Variants in BABAM1 observed in about 807,000 individuals in gnomAD.
The protein encoded by BABAM1 is BRISC and BRCA1 A complex member 1, also known as BRISC and BRCA1-A complex member 1.
BABAM1 carries 14 observed loss-of-function variants against 34.4 expected under a neutral mutation model. That is an observed-to-expected ratio of 0.41 (90% CI 0.27 to 0.64). The LOEUF is 0.64. Ranked by LOEUF, BABAM1 falls within the 30% of genes least tolerant of loss-of-function variation. BABAM1 has a pLI of 0.34. For synonymous variants in BABAM1, 169 were observed against 165.8 expected (o/e 1.02, Z -0.15); for missense variants, 393 against 434.0 (o/e 0.91, Z 0.84).
chr19:17,274,517 G>A (rs989653708), intron 5 of BABAM1: 1 of 316,364 alleles, frequency 3.2e-6, no homozygotes, highest in Non-Finnish European at 6.0e-6. Context: ...GCAGTGAGCT[G>A]AGATCTTGCC....
intron 8 of BABAM1, among the ~76,000 whole-genome samples, chr19:17,278,469 C>T (rs546155655): frequency 7.9e-4 from 120 of 152,072 alleles, no homozygotes; most frequent in Admixed American, 1.4e-3. Context: ...CCACCACGCC[C>T]GGCTAATTTT....
intron 5 of BABAM1, 63 bp from the exon 6 acceptor site, chr19:17,275,738 G>C: frequency 6.2e-7 from 1 of 1,609,724 alleles, no homozygotes; most frequent in Non-Finnish European, 8.5e-7. Flanking sequence ...ATCGGGATCG[G>C]GGAAGCCACC....
intron 5 of BABAM1, 66 bp from the exon 6 acceptor site, chr19:17,275,735 T>TCGGGGAAGCCACCTGTTTC: frequency 6.2e-7 from 1 of 1,606,442 alleles, no homozygotes; most frequent in Non-Finnish European, 8.5e-7. Context: ...GGTATCGGGA[T>TCGGGGAAGCCACCTGTTTC]CGGGGAAGCC....
At chr19:17,273,555 G>GTT (rs1555716572) in intron 3 of BABAM1, among the ~76,000 whole-genome samples, 3 of 13,226 alleles carry the variant, frequency 2.3e-4, no homozygotes, top group South Asian at 2.0e-3. Context: ...GTTTTTTTTT[G>GTT]TTTGTTTTGT....
At chr19:17,272,727 G>A (rs1019224135) in intron 3 of BABAM1, among the ~76,000 whole-genome samples, 1 of 151,318 alleles carries the variant, frequency 6.6e-6, no homozygotes. Flanking sequence ...TTTAAAAAAA[G>A]GAAAAAAGAA....
At position 17,269,034 on chromosome 19, in the gene BABAM1, C is replaced by T; in HGVS notation, c.228C>T (p.Pro76=). ...CCGGCCCTAAGTCCTGGCAGGTGCC[C>T]CCGCCAGCCCCTGAGGTCCAAATTC... ...SGAGPKSWQV[P]PPAPEVQIRT... is the part of the protein sequence containing the mutation. Residue 76 remains proline (P), a synonymous_variant, in exon 2 of 9, where the codon CCC becomes CCT. Transcript: ENST00000598188. 8.8e-6 allele frequency: 14 copies of T among 1,598,146 alleles called. No individual in the cohort carries two copies. The highest frequency in any genetic ancestry group is 1.2e-5 in the Non-Finnish European group (14 of 1,173,542).
chr19:17,270,997 T>G (rs2145613244), intron 2 of BABAM1, among the ~76,000 whole-genome samples: 1 of 150,956 alleles, frequency 6.6e-6, no homozygotes, highest in South Asian at 2.1e-4. Flanking sequence ...GCCTCTTTTT[T>G]TTTTTTTTTG....
rs375886655 is a variant in BABAM1 at position 17,274,169 on chromosome 19, C to T, written c.528C>T (p.Ala176=). Residue 176 remains alanine (A), a synonymous_variant, in exon 5 of 9, where the codon GCC becomes GCT. Transcript: ENST00000598188. ...GCTGCCTCTATGATCTGGAGACGGC[C>T]TCCTGTTCCACCTTCAGTATCCTTC... ...LCSCLYDLET[A]SCSTFNLEGL... The T allele has an allele frequency of 2.5e-6, 4 of 1,613,278 alleles. No individual in the cohort carries two copies. The highest frequency in any genetic ancestry group is 3.4e-6 in the Non-Finnish European group (4 of 1,179,886).
In BABAM1 at chr19:17,268,782, T is replaced by C. The variant is rs940444195; in HGVS notation, c.-13-12T>C. 2 of 1,575,462 alleles carry C rather than the reference T, an allele frequency of 1.3e-6. No individual in the cohort carries two copies. The highest frequency in any genetic ancestry group is 3.6e-5 in the Admixed American group (2 of 55,114). ...GGAGGATTCTGGCTTCCCCTGTCCGTGTTCCATCTAGCCACACAGGAGCCA... is the reference window on the plus strand; with the variant it reads ...GGAGGATTCTGGCTTCCCCTGTCCGCGTTCCATCTAGCCACACAGGAGCCA... On this transcript the variant is annotated splice_polypyrimidine_tract_variant and intron_variant, in intron 1 of 8. Coordinates refer to ENST00000598188, the MANE Select transcript of BABAM1 (RefSeq NM_014173.4).
At chr19:17,276,723 G>T in intron 7 of BABAM1, 99 bp downstream of exon 7, 1 of 1,555,686 alleles carries the variant, frequency 6.4e-7, no homozygotes, top group Non-Finnish European at 8.7e-7. Context: ...GGTGCCTAGA[G>T]GTAAGTTCCC....
At chr19:17,274,565 C>CT (rs112418648) in intron 5 of BABAM1, 9 of 163,742 alleles carry the variant, frequency 5.5e-5, no homozygotes, top group East Asian at 4.2e-4. Context: ...GAGACTCCGT[C>CT]TTTTTTAAAA....
At chr19:17,277,011 C>T (rs1241648092) in intron 8 of BABAM1, 102 bp downstream of exon 8, 3 of 1,132,940 alleles carry the variant, frequency 2.6e-6, no homozygotes, top group Admixed American at 2.2e-5. Flanking sequence ...TTTGATACCC[C>T]TGGAACCCTG....
chr19:17,278,905 G>A lies in BABAM1; in HGVS notation c.847G>A (p.Ala283Thr). 1 of 1,613,618 alleles carries A rather than the reference G, an allele frequency of 6.2e-7. No individual in the cohort carries two copies. Among genetic ancestry groups the A allele is most frequent in the Non-Finnish European group, 8.5e-7 (1 of 1,179,810 alleles). The change falls in exon 9 of 9, where the codon GCA becomes ACA. Residue 283 changes from alanine to threonine, a missense_variant. By Grantham distance (58) the Ala-to-Thr change is moderately conservative. Transcript: ENST00000598188. ...TKGTSYKYEVALAGPALELHN... is the reference protein window; with the variant it reads ...TKGTSYKYEVTLAGPALELHN... ...GGGTACCAGCTACAAGTATGAGGTG[G>A]CACTGGCTGGGCCAGCCCTGGAGTT...
intron 5 of BABAM1, among the ~76,000 whole-genome samples, chr19:17,275,515 C>G (rs2073897928): frequency 6.6e-6 from 1 of 152,150 alleles, no homozygotes; most frequent in Non-Finnish European, 1.5e-5. Flanking sequence ...GCCTCGAACT[C>G]CTGACCTCAG....
At chr19:17,274,946 G>T (rs775539801) in intron 5 of BABAM1, among the ~76,000 whole-genome samples, 10 of 152,098 alleles carry the variant, frequency 6.6e-5, no homozygotes, top group Non-Finnish European at 1.3e-4. Flanking sequence ...TGCTCTTGTT[G>T]CCCTGGCTGA....
chr19:17,276,388 C>T, intron 6 of BABAM1, 107 bp from the exon 7 acceptor site: 1 of 1,514,670 alleles, frequency 6.6e-7, no homozygotes, highest in South Asian at 1.2e-5. Context: ...TGGGAGACAT[C>T]AGTGGGGCCT....
chr19:17,269,771 C>T (rs2073817015), intron 2 of BABAM1, among the ~76,000 whole-genome samples: 1 of 151,770 alleles, frequency 6.6e-6, no homozygotes, highest in African/African-American at 2.4e-5. Flanking sequence ...GCTCTGTCAC[C>T]CAGGCTGGAG....
At chr19:17,268,726 A>T in intron 1 of BABAM1, 68 bp from the exon 2 acceptor site, 1 of 1,454,360 alleles carries the variant, frequency 6.9e-7, no homozygotes, top group Non-Finnish European at 9.1e-7. Flanking sequence ...ACCGTGCCCG[A>T]CCGTAACCAA....
At chr19:17,268,728 C>G (rs1344529014) in intron 1 of BABAM1, 66 bp from the exon 2 acceptor site, 2 of 1,459,604 alleles carry the variant, frequency 1.4e-6, no homozygotes, top group East Asian at 4.9e-5. Flanking sequence ...CGTGCCCGAC[C>G]GTAACCAAAT....
Sources: gnomAD v4.1 joint callset for allele counts (sites outside exome capture counted in the v4.1 genomes callset) on GRCh38, gnomAD v4.1.1 for gene constraint, MANE v1.5 for transcripts, NCBI Gene and HGNC (gene_info 2026-07-23, HGNC 2026-07-21) for gene names.